The following SPMIP11 variants were observed in gnomAD, a reference collection of about 807,000 sequenced individuals.
SPMIP11 encodes long intergenic non-protein coding RNA 935.
chr12:48,736,557 A>G, the SPMIP11 span, among the ~76,000 whole-genome samples: 1 of 152,162 alleles, frequency 6.6e-6, no homozygotes, highest in Non-Finnish European at 1.5e-5. Context: ...AAACACAGCA[A>G]TCTGTCAGTT....
chr12:48,759,595 C>T, the SPMIP11 span, among the ~76,000 whole-genome samples: 176 of 150,590 alleles, frequency 1.2e-3, no homozygotes, highest in South Asian at 3.8e-3. Flanking sequence ...GCCTTGAAGC[C>T]GGGAGTTGGA....
the SPMIP11 span, among the ~76,000 whole-genome samples, chr12:48,754,340 T>A: frequency 6.6e-6 from 1 of 151,914 alleles, no homozygotes; most frequent in African/African-American, 2.4e-5. Flanking sequence ...AGGAGTGAGA[T>A]GAGGTCTCAC....
chr12:48,760,667 C>T, the SPMIP11 span, among the ~76,000 whole-genome samples: 1 of 152,180 alleles, frequency 6.6e-6, no homozygotes, highest in African/African-American at 2.4e-5. Context: ...GGTGGGACTA[C>T]AGGAGTGCAC....
the SPMIP11 span, chr12:48,759,149 G>A: frequency 1.4e-6 from 1 of 696,348 alleles, no homozygotes; most frequent in African/African-American, 1.7e-5. Flanking sequence ...GGAGACCAGG[G>A]AATCAGAGAA....
the SPMIP11 span, among the ~76,000 whole-genome samples, chr12:48,758,282 A>G: frequency 4.9e-4 from 74 of 152,368 alleles, no homozygotes; most frequent in African/African-American, 1.7e-3. Context: ...AGCAATGCTC[A>G]GAATCATGCC....
chr12:48,759,370 A>C, the SPMIP11 span: 1 of 701,134 alleles, frequency 1.4e-6, no homozygotes, highest in Middle Eastern at 2.3e-4. Flanking sequence ...AGGAGAAAAA[A>C]AGATATGTCT....
the SPMIP11 span, among the ~76,000 whole-genome samples, chr12:48,744,315 A>T: frequency 6.6e-6 from 1 of 151,430 alleles, no homozygotes; most frequent in Non-Finnish European, 1.5e-5. Context: ...CTGAGGCATG[A>T]GAATCGCTTG....
At chr12:48,736,054 C>G in the SPMIP11 span, 4 of 448,452 alleles carry the variant, frequency 8.9e-6, no homozygotes, top group African/African-American at 4.0e-5. Flanking sequence ...AATAATGTCA[C>G]TGTAACTTTT....
chr12:48,755,739 C>T, the SPMIP11 span, among the ~76,000 whole-genome samples: 1 of 152,120 alleles, frequency 6.6e-6, no homozygotes, highest in East Asian at 1.9e-4. Context: ...ACATCATCTG[C>T]CTGTACCCTT....
At chr12:48,769,751 T>TA in the SPMIP11 span, among the ~76,000 whole-genome samples, 3 of 146,858 alleles carry the variant, frequency 2.0e-5, no homozygotes, top group African/African-American at 7.5e-5. Context: ...CACACCCAAC[T>TA]AATTTTTGTT....
chr12:48,759,550 G>T, the SPMIP11 span, among the ~76,000 whole-genome samples: 1 of 152,066 alleles, frequency 6.6e-6, no homozygotes, highest in Non-Finnish European at 1.5e-5. Flanking sequence ...AGCCGGGCAT[G>T]GTGGTGCATG....
At chr12:48,758,068 TGAG>T in the SPMIP11 span, among the ~76,000 whole-genome samples, 1 of 152,112 alleles carries the variant, frequency 6.6e-6, no homozygotes, top group Non-Finnish European at 1.5e-5. Flanking sequence ...TTCGGGACGC[TGAG>T]GAGGGAAGAT....
the SPMIP11 span, among the ~76,000 whole-genome samples, chr12:48,741,955 A>G: frequency 6.6e-6 from 1 of 152,178 alleles, no homozygotes. Context: ...CCTATTCTTC[A>G]TCAAACTTTC....
chr12:48,754,331 G>A, the SPMIP11 span, among the ~76,000 whole-genome samples: 1 of 151,958 alleles, frequency 6.6e-6, no homozygotes, highest in Non-Finnish European at 1.5e-5. Context: ...CTTGAGCCCA[G>A]GAGTGAGATG....
At chr12:48,754,757 C>T in the SPMIP11 span, among the ~76,000 whole-genome samples, 5 of 148,412 alleles carry the variant, frequency 3.4e-5, no homozygotes, top group African/African-American at 1.3e-4. Flanking sequence ...GCCTGTTTTT[C>T]GTTTTTTGAG....
the SPMIP11 span, chr12:48,768,679 C>T: frequency 1.2e-6 from 2 of 1,614,178 alleles, no homozygotes; most frequent in Non-Finnish European, 8.5e-7. Context: ...CAGCTGGTAG[C>T]CCTTGGCAGC....
chr12:48,763,985 CT>C, the SPMIP11 span, among the ~76,000 whole-genome samples: 351 of 138,322 alleles, frequency 2.5e-3, no homozygotes, highest in Non-Finnish European at 2.2e-3. Context: ...GCCAAAAGTA[CT>C]TTTTTTTTTT....
chr12:48,764,928 C>T, the SPMIP11 span: 6 of 702,900 alleles, frequency 8.5e-6, no homozygotes, highest in Admixed American at 4.0e-5. Flanking sequence ...TCCAGGAGTG[C>T]GTCCAGAGGA....
At chr12:48,745,460 A>T in the SPMIP11 span, among the ~76,000 whole-genome samples, 1 of 152,032 alleles carries the variant, frequency 6.6e-6, no homozygotes, top group Non-Finnish European at 1.5e-5. Context: ...CAAAAAAATT[A>T]GCTGGGCTTG....
Sources: allele counts gnomAD v4.1 joint callset (sites outside exome capture counted in the v4.1 genomes callset), GRCh38; gene constraint gnomAD v4.1.1; transcripts MANE v1.5; gene names NCBI Gene and HGNC (gene_info 2026-07-23, HGNC 2026-07-21).